The following KIAA0825 variants were observed in gnomAD, a reference collection of about 807,000 sequenced individuals.
The protein encoded by KIAA0825 is KIAA0825.
In KIAA0825, 119 loss-of-function variants were observed where a neutral mutation model predicts 147.6. That is an observed-to-expected ratio of 0.81 (90% CI 0.69 to 0.94). KIAA0825 has a LOEUF of 0.94. Ranked by LOEUF, KIAA0825 falls within the 40% of genes least tolerant of loss-of-function variation. KIAA0825 has a pLI of 0.00. For synonymous variants in KIAA0825, 470 were observed against 518.1 expected (o/e 0.91, Z 1.26); for missense variants, 1,381 against 1,472.7 (o/e 0.94, Z 1.02).
intron 20 of KIAA0825, among the ~76,000 whole-genome samples, chr5:94,306,370 G>A (rs1237689525): frequency 6.6e-6 from 1 of 151,740 alleles, no homozygotes; most frequent in Non-Finnish European, 1.5e-5. Context: ...CATTGGAAAA[G>A]ATATGCCCTC....
intron 12 of KIAA0825, among the ~76,000 whole-genome samples, chr5:94,460,356 G>A (rs1759661287): frequency 6.6e-6 from 1 of 151,976 alleles, no homozygotes; most frequent in Non-Finnish European, 1.5e-5. Flanking sequence ...ACATATTTTT[G>A]CAAACAGGTT....
intron 20 of KIAA0825, among the ~76,000 whole-genome samples, chr5:94,212,898 C>T (rs557538412): frequency 2.0e-5 from 3 of 152,220 alleles, no homozygotes; most frequent in African/African-American, 7.2e-5. Flanking sequence ...GTAAAAATGC[C>T]ATGGAGAACT....
chr5:94,384,439 C>G lies in KIAA0825; in HGVS notation c.3639G>C (p.Trp1213Cys). The change falls in exon 20 of 21, where the codon TGG becomes TGC. Residue 1213 changes from tryptophan to cysteine, a missense_variant. Transcript: ENST00000682413. ...LDQVSITKWNWNWAKLLPNYL... is the reference protein window; with the variant it reads ...LDQVSITKWNCNWAKLLPNYL... ...AATTTGGCAGCAACTTTGCCCAATT[C>G]CAGTTCCATTTTGTGATGGCTGACT... 1 of 1,551,754 alleles carries G rather than the reference C, an allele frequency of 6.4e-7. No homozygotes were observed. Among genetic ancestry groups the G allele is most frequent in the Non-Finnish European group, 8.7e-7 (1 of 1,146,852 alleles).
chr5:94,192,834 G>A (rs995170831), intron 20 of KIAA0825, among the ~76,000 whole-genome samples: 3 of 152,202 alleles, frequency 2.0e-5, no homozygotes, highest in Admixed American at 6.5e-5. Context: ...CTTTGCCACA[G>A]AAACCTTACC....
intron 20 of KIAA0825, among the ~76,000 whole-genome samples, chr5:94,270,162 A>G (rs942261628): frequency 6.6e-6 from 1 of 152,110 alleles, no homozygotes; most frequent in Non-Finnish European, 1.5e-5. Flanking sequence ...AAAAAGAACA[A>G]AACTGGGGAA....
At chr5:94,382,358 CAA>C (rs1748530671) in intron 20 of KIAA0825, among the ~76,000 whole-genome samples, 1 of 152,138 alleles carries the variant, frequency 6.6e-6, no homozygotes, top group Non-Finnish European at 1.5e-5. Flanking sequence ...TAAGTTCCAA[CAA>C]GAGAGACAAG....
At chr5:94,168,789 A>G (rs186065476) in intron 20 of KIAA0825, among the ~76,000 whole-genome samples, 2 of 152,194 alleles carry the variant, frequency 1.3e-5, no homozygotes, top group Non-Finnish European at 2.9e-5. Flanking sequence ...CTTCAGAGTA[A>G]GGTATAATTT....
intron 20 of KIAA0825, among the ~76,000 whole-genome samples, chr5:94,353,697 C>T (rs1192704619): frequency 2.6e-5 from 4 of 151,938 alleles, no homozygotes; most frequent in Non-Finnish European, 4.4e-5. Context: ...ATATATTCTA[C>T]GTGAAATGAG....
Position 94,345,131 on chromosome 5 carries a change from A to T in KIAA0825, c.3710+39237T>A, listed in dbSNP as rs572294326. 2.0e-4 allele frequency among the ~76,000 whole-genome samples: 31 copies of T among 152,288 alleles called. 1 individual carries two copies. Among genetic ancestry groups the T allele is most frequent in the African/African-American group, 6.7e-4 (28 of 41,564 alleles). The stretch of plus-strand genomic sequence containing the variant: ...TAGAAGTAAAGATAGTAGTAATCTT[A>T]TAGGAGAAAGAAGAGGATGGTGTTC... On this transcript the variant is annotated intron_variant, in intron 20 of 20. Transcript: ENST00000682413.
chr5:94,594,469 A>G (rs971926009), intron 1 of KIAA0825: 1 of 743,616 alleles, frequency 1.3e-6, no homozygotes, highest in Admixed American at 1.7e-5. Context: ...GAAGAAAGAA[A>G]AAAATCTCTT....
intron 3 of KIAA0825, among the ~76,000 whole-genome samples, chr5:94,526,959 TG>T (rs1015764465): frequency 5.3e-5 from 8 of 152,006 alleles, no homozygotes; most frequent in Non-Finnish European, 2.9e-5. Context: ...GGTTTTTCCT[TG>T]TAGAAGAGGA....
chr5:94,303,734 A>T (rs1044439348), intron 20 of KIAA0825, among the ~76,000 whole-genome samples: 1 of 152,030 alleles, frequency 6.6e-6, no homozygotes, highest in Non-Finnish European at 1.5e-5. Context: ...TAAACGCATT[A>T]AGTGGATCCT....
intron 2 of KIAA0825, among the ~76,000 whole-genome samples, chr5:94,538,359 G>C (rs1772537714): frequency 6.6e-6 from 1 of 152,208 alleles, no homozygotes; most frequent in Non-Finnish European, 1.5e-5. Flanking sequence ...AAAGAAGTAA[G>C]TGGGAAAGAC....
intron 6 of KIAA0825, among the ~76,000 whole-genome samples, chr5:94,480,569 G>C (rs146130235): frequency 3.3e-5 from 5 of 151,914 alleles, no homozygotes; most frequent in African/African-American, 1.2e-4. Context: ...GGAAGTAACT[G>C]TCTGCTATTG....
intron 20 of KIAA0825, among the ~76,000 whole-genome samples, chr5:94,241,280 C>G (rs998910118): frequency 6.6e-6 from 1 of 152,198 alleles, no homozygotes; most frequent in African/African-American, 2.4e-5. Context: ...CAGACTGAAG[C>G]AAGTTTTAGG....
chr5:94,267,548 C>T (rs1182634574), intron 20 of KIAA0825, among the ~76,000 whole-genome samples: 4 of 152,142 alleles, frequency 2.6e-5, no homozygotes. Context: ...GTTAATCACA[C>T]CCAAGAGAGT....
At chr5:94,309,516 G>A (rs1238293748) in intron 20 of KIAA0825, among the ~76,000 whole-genome samples, 2 of 151,684 alleles carry the variant, frequency 1.3e-5, no homozygotes, top group African/African-American at 4.8e-5. Context: ...TCCAAAATGA[G>A]TAGCACACTC....
At chr5:94,280,445 C>T (rs1044942921) in intron 20 of KIAA0825, among the ~76,000 whole-genome samples, 1 of 152,034 alleles carries the variant, frequency 6.6e-6, no homozygotes, top group African/African-American at 2.4e-5. Flanking sequence ...GAGTACTTGG[C>T]ATGACACACT....
intron 6 of KIAA0825, among the ~76,000 whole-genome samples, chr5:94,484,363 T>C (rs7731220): frequency 0.029 from 4,410 of 151,806 alleles, 89 homozygotes; most frequent in East Asian, 0.068. Context: ...TCCTACATCA[T>C]TATTTTGAAG....
Sources: allele counts gnomAD v4.1 joint callset (sites outside exome capture counted in the v4.1 genomes callset), GRCh38; gene constraint gnomAD v4.1.1; transcripts MANE v1.5; gene names NCBI Gene and HGNC (gene_info 2026-07-23, HGNC 2026-07-21).